ANXA4: variants seen among roughly 807,000 people sequenced by gnomAD.
ANXA4 encodes annexin A4.
In ANXA4, 39 loss-of-function variants were observed where a neutral mutation model predicts 49.8. The ratio of observed to expected loss-of-function variants is 0.78; its 90% CI spans 0.61 to 1.02. The LOEUF (loss-of-function observed/expected upper bound fraction) is 1.02, where lower values mean the gene tolerates loss of function less well. ANXA4 is among the 50% of genes least tolerant of loss of function. ANXA4 has a pLI of 0.00. For synonymous variants in ANXA4, 134 were observed against 152.5 expected (o/e 0.88, Z 0.89); for missense variants, 360 against 410.1 (o/e 0.88, Z 1.05).
At chr2:69,783,682 C>T (rs1672294184) in intron 2 of ANXA4, among the ~76,000 whole-genome samples, 1 of 152,164 alleles carries the variant, frequency 6.6e-6, no homozygotes, top group Non-Finnish European at 1.5e-5. Flanking sequence ...TATATACCCA[C>T]ATAACCTACT....
At chr2:69,645,382 C>G (rs775061660) in intron 1 of ANXA4, among the ~76,000 whole-genome samples, 14 of 152,236 alleles carry the variant, frequency 9.2e-5, no homozygotes, top group Non-Finnish European at 2.1e-4. Flanking sequence ...AAGGCATGTT[C>G]TCTGCACTTT....
At chr2:69,785,791 G>A (rs977001763) in intron 2 of ANXA4, among the ~76,000 whole-genome samples, 1 of 152,034 alleles carries the variant, frequency 6.6e-6, no homozygotes. Flanking sequence ...TAGACCAAGC[G>A]CCAACTACTC....
chr2:69,724,871 T>C (rs1044012737), intron 3 of ANXA4, among the ~76,000 whole-genome samples: 3 of 89,042 alleles, frequency 3.4e-5, no homozygotes, highest in African/African-American at 1.7e-4. Flanking sequence ...TTCCTGAGGA[T>C]GGAATTTGAG....
At chr2:69,677,627 G>T (rs1430948898) in intron 2 of ANXA4, among the ~76,000 whole-genome samples, 2 of 152,190 alleles carry the variant, frequency 1.3e-5, no homozygotes, top group African/African-American at 4.8e-5. Flanking sequence ...TATTGTAGGA[G>T]CTCAGAACAC....
chr2:69,798,737 C>T (rs1000390473), intron 3 of ANXA4, among the ~76,000 whole-genome samples: 5 of 152,296 alleles, frequency 3.3e-5, no homozygotes, highest in East Asian at 1.9e-4. Context: ...AGAATAAAAA[C>T]GGAGGACAAG....
chr2:69,655,744 C>T (rs1376107519), intron 2 of ANXA4, among the ~76,000 whole-genome samples: 1 of 152,142 alleles, frequency 6.6e-6, no homozygotes, highest in Non-Finnish European at 1.5e-5. Context: ...TTTATTGCGG[C>T]ACTGTTCACA....
chr2:69,749,488 G>T (rs1670750796), intron 1 of ANXA4, among the ~76,000 whole-genome samples: 2 of 152,156 alleles, frequency 1.3e-5, no homozygotes, highest in South Asian at 4.1e-4. Context: ...CATCAGTAAA[G>T]ATCTGGTTAA....
intron 11 of ANXA4, among the ~76,000 whole-genome samples, chr2:69,820,170 T>A (rs1674169782): frequency 6.6e-6 from 1 of 150,920 alleles, no homozygotes; most frequent in Admixed American, 6.6e-5. Context: ...AAAACACCAA[T>A]TATAACAAGA....
rs1445260290 is a variant in ANXA4, at chr2:69,818,663, T to C, written c.693T>C (p.Ser231=). The change falls in exon 10 of 13, where the codon TCT becomes TCC. Residue 231 remains serine, a synonymous_variant. Transcript: ENST00000394295. ...AACAGAGTATTAAATCTGAAACATC[T>C]GGTAGCTTTGAAGATGCTCTGCTGG... ...DIEQSIKSET[S]GSFEDALLAI... The C allele has an allele frequency of 1.2e-6, 2 of 1,609,940 alleles. No homozygotes were observed. The highest frequency in any genetic ancestry group is 1.3e-5 in the African/African-American group (1 of 74,786).
intron 8 of ANXA4, 93 bp downstream of exon 8, chr2:69,812,802 T>G (rs999003402): frequency 6.5e-6 from 7 of 1,082,778 alleles, no homozygotes; most frequent in African/African-American, 4.7e-5. Flanking sequence ...TATTACAGTG[T>G]ATATTAGCCA....
At chr2:69,706,292 C>CTTTTTTTT (rs916740716) in intron 2 of ANXA4, among the ~76,000 whole-genome samples, 2 of 59,312 alleles carry the variant, frequency 3.4e-5, no homozygotes, top group Non-Finnish European at 5.9e-5. Flanking sequence ...GGTACAATTC[C>CTTTTTTTT]TTTTTTTTTT....
At chr2:69,686,705 C>A (rs1677800992) in intron 2 of ANXA4, among the ~76,000 whole-genome samples, 1 of 152,210 alleles carries the variant, frequency 6.6e-6, no homozygotes. Flanking sequence ...ATCCTCTGGA[C>A]TTGGCCTCCC....
chr2:69,728,764 C>T (rs1670025677), intron 3 of ANXA4, among the ~76,000 whole-genome samples: 1 of 152,170 alleles, frequency 6.6e-6, no homozygotes, highest in Admixed American at 6.6e-5. Context: ...CTTTAAGTGT[C>T]ATATTGTTGA....
intron 2 of ANXA4, among the ~76,000 whole-genome samples, chr2:69,704,438 A>C (rs540626828): frequency 6.6e-6 from 1 of 152,232 alleles, no homozygotes; most frequent in Non-Finnish European, 1.5e-5. Context: ...TCTGTGGGTC[A>C]ACTGGCAGTT....
chr2:69,777,500 T>C (rs1263577262), intron 1 of ANXA4, among the ~76,000 whole-genome samples: 2 of 152,224 alleles, frequency 1.3e-5, no homozygotes, highest in South Asian at 2.1e-4. Flanking sequence ...TCACCCTTAT[T>C]GTTCTTATCG....
intron 2 of ANXA4, among the ~76,000 whole-genome samples, chr2:69,695,000 G>C (rs1303285705): frequency 6.6e-6 from 1 of 151,972 alleles, no homozygotes; most frequent in African/African-American, 2.4e-5. Flanking sequence ...AAAATTAGCC[G>C]GCATGGTGGT....
chr2:69,728,610 C>A (rs1171680693), intron 3 of ANXA4, among the ~76,000 whole-genome samples: 1 of 152,194 alleles, frequency 6.6e-6, no homozygotes, highest in Non-Finnish European at 1.5e-5. Context: ...GATCTAGCAT[C>A]ATTTATAGAA....
chr2:69,773,593 CCTTT>C (rs1178816110), intron 1 of ANXA4, among the ~76,000 whole-genome samples: 2 of 146,732 alleles, frequency 1.4e-5, no homozygotes, highest in Non-Finnish European at 3.0e-5. Flanking sequence ...GTTTTATTCT[CCTTT>C]CTTTTCTTTT....
intron 1 of ANXA4, among the ~76,000 whole-genome samples, chr2:69,753,514 T>A (rs192181273): frequency 2.0e-5 from 3 of 152,328 alleles, no homozygotes; most frequent in South Asian, 4.1e-4. Context: ...ACAATCGATA[T>A]TAAGTAGAAT....
Sources: gnomAD v4.1 joint callset for allele counts (sites outside exome capture counted in the v4.1 genomes callset) on GRCh38, gnomAD v4.1.1 for gene constraint, MANE v1.5 for transcripts, NCBI Gene and HGNC (gene_info 2026-07-23, HGNC 2026-07-21) for gene names.